NSMAF: variants seen among roughly 807,000 people sequenced by gnomAD.
NSMAF encodes protein FAN.
In NSMAF, 90 loss-of-function variants were observed where a neutral mutation model predicts 134.9. That is an observed-to-expected ratio of 0.67 (90% CI 0.56 to 0.79). The LOEUF (loss-of-function observed/expected upper bound fraction) is 0.79. Ranked by LOEUF, NSMAF falls within the 30% of genes least tolerant of loss-of-function variation. The pLI, the probability that NSMAF is intolerant of heterozygous loss-of-function variation, is 0.00. For synonymous variants in NSMAF, 358 were observed against 389.6 expected, an observed-to-expected ratio of 0.92 and a Z score of 0.96; for missense variants, 1,010 against 1,119.0, an observed-to-expected ratio of 0.90 and a Z score of 1.39.
intron 12 of NSMAF, among the ~76,000 whole-genome samples, chr8:58,603,725 C>CTG (rs138445971): frequency 0.11 from 16,890 of 152,064 alleles, 1,533 homozygotes; most frequent in African/African-American, 0.26. Flanking sequence ...TCCAAATGTG[C>CTG]TGTCTCCATG....
At position 58,607,712 on chromosome 8, in the gene NSMAF, G is replaced by T. The variant is rs1806439210; in HGVS notation, c.759+57C>A. 3.7e-6 allele frequency: 5 copies of T among 1,346,882 alleles called. 1 individual carries two copies. The highest frequency in any genetic ancestry group is 3.4e-5 in the Admixed American group (2 of 59,530). 83.4% of individuals were successfully genotyped at this position (1,346,882 alleles called of 1,614,324 possible). On this transcript the variant is annotated intron_variant, in intron 11 of 30. Transcript: ENST00000038176. The stretch of plus-strand genomic sequence containing the variant: ...CATAAGTGTTTACCGTCAATAAACT[G>T]CTGGCTAAACTGAAAGTGTGACAAT...
At chr8:58,627,497 T>C (rs1806962094) in intron 6 of NSMAF, among the ~76,000 whole-genome samples, 2 of 152,190 alleles carry the variant, frequency 1.3e-5, no homozygotes, top group Non-Finnish European at 2.9e-5. Flanking sequence ...ATCTAATAAA[T>C]GAATTCAGTA....
At chr8:58,618,062 C>T (rs985378645) in intron 9 of NSMAF, among the ~76,000 whole-genome samples, 2 of 152,122 alleles carry the variant, frequency 1.3e-5, no homozygotes, top group Non-Finnish European at 2.9e-5. Flanking sequence ...ATCGCAAGGA[C>T]AGCAAGCCAA....
chr8:58,646,850 T>C (rs559810041), intron 1 of NSMAF, among the ~76,000 whole-genome samples: 4 of 152,328 alleles, frequency 2.6e-5, no homozygotes, highest in African/African-American at 7.2e-5. Context: ...CCCCTACATA[T>C]TCCTAGTTTA....
At position 58,595,550 on chromosome 8, in the gene NSMAF, A is replaced by G. The variant is rs1393161472; in HGVS notation, c.1892+10T>C. The G allele has an allele frequency of 6.3e-7, 1 of 1,580,686 alleles. No homozygotes were observed. The highest frequency in any genetic ancestry group is 8.7e-7 in the Non-Finnish European group (1 of 1,149,490). ...TATCAGCTGCTGAGAAGAAGCAGAG[A>G]TATTCTTACTCTTTGTGGATTTTAT... On this transcript the variant is annotated intron_variant, in intron 22 of 30. Coordinates refer to ENST00000038176, the MANE Select transcript of NSMAF (RefSeq NM_003580.4).
At position 58,623,432 on chromosome 8, in the gene NSMAF, A is replaced by T; in HGVS notation, c.457-8T>A. The T allele has an allele frequency of 1.9e-6, 3 of 1,612,826 alleles. No individual in the cohort carries two copies. Among genetic ancestry groups the T allele is most frequent in the Non-Finnish European group, 2.5e-6 (3 of 1,179,388 alleles). On this transcript the variant is annotated splice_polypyrimidine_tract_variant and splice_region_variant and intron_variant, in intron 7 of 30. Coordinates refer to ENST00000038176, the MANE Select transcript of NSMAF (RefSeq NM_003580.4). ...GCAGGATGCTCTGTGAAGCTACAGT[A>T]TCATAAACAGACATGAATTTATTTT...
At chr8:58,589,823 G>A (rs1805981849) in intron 25 of NSMAF, 184 bp downstream of exon 25, 4 of 587,018 alleles carry the variant, frequency 6.8e-6, no homozygotes, top group South Asian at 5.9e-5. Flanking sequence ...TCCAATTGGA[G>A]AAATTATTCA....
At chr8:58,618,933 T>C (rs1806724180) in intron 9 of NSMAF, among the ~76,000 whole-genome samples, 1 of 152,148 alleles carries the variant, frequency 6.6e-6, no homozygotes, top group Non-Finnish European at 1.5e-5. Context: ...CCCAAATTCT[T>C]TAGCCTAACA....
chr8:58,585,395 C>T (rs567746639), intron 30 of NSMAF, among the ~76,000 whole-genome samples: 3 of 149,844 alleles, frequency 2.0e-5, no homozygotes, highest in Admixed American at 6.7e-5. Context: ...AATAGCTTTA[C>T]GATGGTTTTT....
intron 28 of NSMAF, 42 bp downstream of exon 28, chr8:58,586,416 A>G (rs1411684011): frequency 6.5e-7 from 1 of 1,533,920 alleles, no homozygotes; most frequent in Non-Finnish European, 8.9e-7. Context: ...TCAAAATTCC[A>G]ATTTACCTAG....
At chr8:58,601,986 T>C (rs1585734296) in intron 14 of NSMAF, 72 bp downstream of exon 14, 14 of 1,229,044 alleles carry the variant, frequency 1.1e-5, no homozygotes, top group Non-Finnish European at 1.6e-5. Context: ...GAGAAACGAA[T>C]TTCCTTCCAT....
chr8:58,604,918 T>C (rs552888070), intron 12 of NSMAF, among the ~76,000 whole-genome samples: 4 of 152,162 alleles, frequency 2.6e-5, no homozygotes, highest in African/African-American at 9.6e-5. Flanking sequence ...TAATTTTTAA[T>C]TGTTTTTGTA....
rs983395227 is a variant in NSMAF at position 58,583,913 on chromosome 8, T to C, written c.*193A>G. ...TGTTTTTCCTAACACAGCCGCATTT[T>C]ATCTGCCCTAAGAGAATAGCAACTA... On this transcript the variant is annotated 3_prime_UTR_variant, in exon 31 of 31. Coordinates refer to ENST00000038176, the MANE Select transcript of NSMAF (RefSeq NM_003580.4). 1.0e-5 allele frequency: 6 copies of C among 584,266 alleles called. No individual in the cohort carries two copies. The South Asian group carries it at 1.2e-4, about 12-fold the overall frequency. The allele number at this position is 584,266 out of a possible 1,614,324, so 36.2% of individuals were successfully genotyped here.
At chr8:58,622,068 C>G (rs1419640875) in intron 9 of NSMAF, among the ~76,000 whole-genome samples, 2 of 152,022 alleles carry the variant, frequency 1.3e-5, no homozygotes, top group Admixed American at 6.6e-5. Flanking sequence ...AATGGTATTT[C>G]CTAGGTTTTC....
intron 30 of NSMAF, 140 bp downstream of exon 30, chr8:58,585,511 AG>A: frequency 1.6e-6 from 1 of 624,142 alleles, no homozygotes; most frequent in Non-Finnish European, 2.8e-6. Context: ...TGGCCAATCA[AG>A]AGGCTCCAGG....
At chr8:58,593,035 T>C (rs892409578) in intron 23 of NSMAF, among the ~76,000 whole-genome samples, 7 of 152,218 alleles carry the variant, frequency 4.6e-5, no homozygotes, top group African/African-American at 1.4e-4. Flanking sequence ...AACAAGGTCA[T>C]ACAAGTACAA....
intron 19 of NSMAF, 107 bp downstream of exon 19, chr8:58,599,125 T>A: frequency 9.0e-7 from 1 of 1,113,710 alleles, no homozygotes. Context: ...ACTAATTGCT[T>A]TGGCCTCATT....
intron 1 of NSMAF, among the ~76,000 whole-genome samples, chr8:58,650,945 C>T (rs755132783): frequency 6.6e-6 from 1 of 152,192 alleles, no homozygotes; most frequent in Non-Finnish European, 1.5e-5. Flanking sequence ...ACCCACTTAA[C>T]GTGGCCTGTA....
In NSMAF at chr8:58,586,458, C is replaced by T; in HGVS notation, c.2446G>A (p.Asp816Asn). Residue 816 changes from aspartate (D) to asparagine (N), a missense_variant and splice_region_variant, in exon 28 of 31, where the codon GAT becomes AAT. Physicochemically the swap from Asp to Asn is conservative, Grantham distance 23. Coordinates refer to ENST00000038176, the MANE Select transcript of NSMAF (RefSeq NM_003580.4). ...CTGTTTTAAAAAGGATAATATCTAC[C>T]TGGGCTAAAAGCAGTGTCACATACA... ...GIVCDTAFSP[D>N]SRHVLSTGTD... The T allele has an allele frequency of 6.2e-7, 1 of 1,612,782 alleles. No homozygotes were observed. The highest frequency in any genetic ancestry group is 8.5e-7 in the Non-Finnish European group (1 of 1,179,784).
Sources: gnomAD v4.1 joint callset for allele counts (sites outside exome capture counted in the v4.1 genomes callset) on GRCh38, gnomAD v4.1.1 for gene constraint, MANE v1.5 for transcripts, NCBI Gene and HGNC (gene_info 2026-07-23, HGNC 2026-07-21) for gene names.